The following HNRNPCL2 variants were observed in gnomAD, a reference collection of about 807,000 sequenced individuals.
HNRNPCL2 encodes the protein heterogeneous nuclear ribonucleoprotein C like 2, also known as heterogeneous nuclear ribonucleoprotein C-like 2.
HNRNPCL2 carries 17 observed loss-of-function variants against 18.2 expected under a neutral mutation model. The ratio of observed to expected loss-of-function variants is 0.94; its 90% CI spans 0.64 to 1.40. The LOEUF is 1.40. Ranked by LOEUF, HNRNPCL2 falls within the 40% of genes most tolerant of loss-of-function variation. The pLI is 0.00. For synonymous variants in HNRNPCL2, 133 were observed against 129.9 expected (o/e 1.02, Z -0.16); for missense variants, 358 against 357.1 (o/e 1.00, Z -0.02).
rs754244376 is a variant in HNRNPCL2, at chr1:13,115,820, A to T, written c.581T>A (p.Val194Glu). 4.3e-6 allele frequency: 7 copies of T among 1,612,954 alleles called. No individual in the cohort carries two copies. The highest frequency in any genetic ancestry group is 5.9e-6 in the Non-Finnish European group (7 of 1,179,726). ...KQELTQIKQK[V>E]DSLLENLEKI... is the part of the protein sequence containing the mutation. ...TTCCAGGTTTTCCAGGAGAGAATCC[A>T]CTTTCTGTTTTATCTGGGTCAACTC... Residue 194 changes from valine (V) to glutamate (E), a missense_variant, in exon 2 of 2, where the codon GTG (valine) becomes GAG (glutamate). By Grantham distance (121) the Val-to-Glu change is moderately radical (BLOSUM62 -2). Transcript: ENST00000621994.
chr1:13,115,695 C>G lies in HNRNPCL2; in HGVS notation c.706G>C (p.Val236Leu). 6.2e-7 allele frequency: 1 copy of G among 1,613,724 alleles called. No homozygotes were observed. The highest frequency in any genetic ancestry group is 8.5e-7 in the Non-Finnish European group (1 of 1,179,982). The part of the protein sequence containing the change: ...SSSMKKDETH[V>L]KMESEGGAED... ...GCACCCCCCTCAGACTCCATCTTTA[C>G]ATGAGTCTCATCTTTCTTCATGGAG... is the stretch of plus-strand genomic sequence containing the variant. The change falls in exon 2 of 2, where the codon GTA (valine) becomes CTA (leucine). Residue 236 changes from valine to leucine, a missense_variant. By Grantham distance (32) the Val-to-Leu change is conservative. Transcript: ENST00000621994.
rs1569572675 is a variant in HNRNPCL2, at chr1:13,115,603, C to T, written c.798G>A (p.Gln266=). The T allele has an allele frequency of 6.2e-7, 1 of 1,613,632 alleles. No homozygotes were observed. The highest frequency in any genetic ancestry group is 1.1e-5 in the South Asian group (1 of 91,064). ...TTTCATTATTCTTGATCAAATGAAG[C>T]TGGTTGTCCCCCTGATCTTCATTAT... The part of the protein sequence containing the change: ...DDDNEDQGDN[Q]LHLIKNNEKD... The change falls in exon 2 of 2, where the codon CAG becomes CAA. Residue 266 remains glutamine, a synonymous_variant. Transcript: ENST00000621994.
chr1:13,116,543 A>G lies in HNRNPCL2; in HGVS notation c.-143T>C, dbSNP rs1362848363. Reference sequence around the variant, plus strand: ...GCCAGAAATGCAGCCAAAACAGCTCAGTCTTCGTCTCTTCACAAAATGGCT... The same window carrying G: ...GCCAGAAATGCAGCCAAAACAGCTCGGTCTTCGTCTCTTCACAAAATGGCT... On this transcript the variant is annotated 5_prime_UTR_variant, in exon 2 of 2. Transcript: ENST00000621994. The G allele has an allele frequency of 4.5e-6, 6 of 1,347,298 alleles. No individual in the cohort carries two copies. In the South Asian group the frequency reaches 1.0e-4, roughly 22 times the overall value. 83.5% of individuals were successfully genotyped at this position (1,347,298 alleles called of 1,614,324 possible). A position where few individuals can be genotyped will look rare whatever the true frequency, so the allele number is the denominator to read the frequency against.
Position 13,116,487 on chromosome 1 carries a change from T to A in HNRNPCL2, c.-87A>T, listed in dbSNP as rs1476787043. 1 of 1,504,948 alleles carries A rather than the reference T, an allele frequency of 6.6e-7. No homozygotes were observed. The highest frequency in any genetic ancestry group is 8.9e-7 in the Non-Finnish European group (1 of 1,127,514). The allele number at this position is 1,504,948 out of a possible 1,614,324, so 93.2% of individuals were successfully genotyped here. On this transcript the variant is annotated 5_prime_UTR_variant, in exon 2 of 2. Transcript: ENST00000621994. ...CGATTCTAAGTCTCCTACTGCCGGG[T>A]TCTACGGGGAGAAACTGACTGCGGC...
chr1:13,116,397 C>A lies in HNRNPCL2; in HGVS notation c.4G>T (p.Ala2Ser). Reference protein sequence around the residue: MASNVTNKMDPH... With the variant: MSSNVTNKMDPH... ...TCCATCTTGTTGGTAACGTTGCTGG[C>A]CATTGTGTTGGATGATAAGGTTTCT... The change falls in exon 2 of 2, where the codon GCC becomes TCC. Residue 2 changes from alanine to serine, a missense_variant. Ala to Ser is a moderately conservative substitution (Grantham distance 99, BLOSUM62 1). Transcript: ENST00000621994. 1.9e-6 allele frequency: 3 copies of A among 1,611,366 alleles called. No individual in the cohort carries two copies. Among genetic ancestry groups the A allele is most frequent in the Non-Finnish European group, 2.5e-6 (3 of 1,178,868 alleles).
Position 13,115,633 on chromosome 1 carries a change from A to T in HNRNPCL2, c.768T>A (p.Asp256Glu). The T allele has an allele frequency of 1.2e-6, 2 of 1,613,526 alleles. No homozygotes were observed. Among genetic ancestry groups the T allele is most frequent in the Non-Finnish European group, 1.7e-6 (2 of 1,179,952 alleles). Reference protein sequence around the residue: ...DSAEEGDPLDDDDNEDQGDNQ... With the variant: ...DSAEEGDPLDEDDNEDQGDNQ... ...TGTCCCCCTGATCTTCATTATCATC[A>T]TCATCCAGTGGGTCCCCCTCCTCAG... The change falls in exon 2 of 2, where the codon GAT (aspartate) becomes GAA (glutamate). Residue 256 changes from aspartate to glutamate, a missense_variant. Coordinates refer to ENST00000621994, the MANE Select transcript of HNRNPCL2 (RefSeq NM_001136561.3).
rs2100319370 is a variant in HNRNPCL2, at chr1:13,116,343, T to G, written c.58A>C (p.Ile20Leu). 1.2e-6 allele frequency: 2 copies of G among 1,613,188 alleles called. No homozygotes were observed. Among genetic ancestry groups the G allele is most frequent in the Admixed American group, 3.3e-5 (2 of 59,952 alleles). The change falls in exon 2 of 2, where the codon ATT (isoleucine) becomes CTT (leucine). Residue 20 changes from isoleucine (I) to leucine (L), a missense_variant. Physicochemically the swap from Ile to Leu is conservative, Grantham distance 5. Coordinates refer to ENST00000621994, the MANE Select transcript of HNRNPCL2 (RefSeq NM_001136561.3). ...DPHSVNSRVF[I>L]GNLNTLVVKK... Reference sequence around the variant, plus strand: ...ACAACAAGAGTGTTGAGATTCCCAATGAACACACGGGAGTTCACGGAGTGA... The same window carrying G: ...ACAACAAGAGTGTTGAGATTCCCAAGGAACACACGGGAGTTCACGGAGTGA...
chr1:13,116,707 A>C (rs2206072), intron 1 of HNRNPCL2, 86 bp downstream of exon 1: 3 of 500,216 alleles, frequency 6.0e-6, no homozygotes, highest in African/African-American at 2.0e-5. Context: ...ATATAGTTCT[A>C]TGCCATCGTA....
rs116484938 is a variant in HNRNPCL2, at chr1:13,116,308, A to C, written c.93T>G (p.Ser31=). The change falls in exon 2 of 2, where the codon TCT becomes TCG. Residue 31 remains serine (S), a synonymous_variant. Coordinates refer to ENST00000621994, the MANE Select transcript of HNRNPCL2 (RefSeq NM_001136561.3). ...ACTTGGAAAAGATCGCCTCCACATC[A>C]GATTTCTTGACAACAAGAGTGTTGA... ...GNLNTLVVKK[S]DVEAIFSKYG... The C allele has an allele frequency of 0.042, 64,232 of 1,530,266 alleles. 5,499 individuals carry two copies. Among genetic ancestry groups the C allele is most frequent in the East Asian group, 0.2 (8,536 of 41,642 alleles). The allele number at this position is 1,530,266 out of a possible 1,614,324, so 94.8% of individuals were successfully genotyped here.
At chr1:13,116,702 G>A (rs1261152139) in intron 1 of HNRNPCL2, 91 bp downstream of exon 1, 1 of 543,174 alleles carries the variant, frequency 1.8e-6, no homozygotes. Flanking sequence ...ACATGATATA[G>A]TTCTATGCCA....
Position 13,116,493 on chromosome 1 carries a change from G to C in HNRNPCL2, c.-93C>G, listed in dbSNP as rs1351846467. 6 of 1,491,774 alleles carry C rather than the reference G, an allele frequency of 4.0e-6. No individual in the cohort carries two copies. In the East Asian group the frequency reaches 7.2e-5, roughly 18 times the overall value. 92.4% of individuals were successfully genotyped at this position (1,491,774 alleles called of 1,614,324 possible). ...TAAGTCTCCTACTGCCGGGTTCTACGGGGAGAAACTGACTGCGGCTCGAGG... is the reference window on the plus strand; with the variant it reads ...TAAGTCTCCTACTGCCGGGTTCTACCGGGAGAAACTGACTGCGGCTCGAGG... On this transcript the variant is annotated 5_prime_UTR_variant, in exon 2 of 2. Transcript: ENST00000621994.
At position 13,115,711 on chromosome 1, in the gene HNRNPCL2, C is replaced by T. The variant is rs746324916; in HGVS notation, c.690G>A (p.Lys230=). 32 of 1,613,674 alleles carry T rather than the reference C, an allele frequency of 2.0e-5. No homozygotes were observed. Among genetic ancestry groups the T allele is most frequent in the Non-Finnish European group, 2.5e-5 (30 of 1,179,972 alleles). ...CCATCTTTACATGAGTCTCATCTTT[C>T]TTCATGGAGCTACTGCTCTGCTCCT... ...SEEEQSSSSM[K]KDETHVKMES... The change falls in exon 2 of 2, where the codon AAG becomes AAA. Residue 230 remains lysine (K), a synonymous_variant. Coordinates refer to ENST00000621994, the MANE Select transcript of HNRNPCL2 (RefSeq NM_001136561.3).
chr1:13,116,322 C>T lies in HNRNPCL2; in HGVS notation c.79G>A (p.Val27Ile). The T allele has an allele frequency of 1.2e-6, 2 of 1,612,852 alleles. No homozygotes were observed. The highest frequency in any genetic ancestry group is 8.5e-7 in the Non-Finnish European group (1 of 1,179,704). Residue 27 changes from valine to isoleucine, a missense_variant, in exon 2 of 2, where the codon GTT (valine) becomes ATT (isoleucine). Physicochemically the swap from Val to Ile is conservative, Grantham distance 29. Transcript: ENST00000621994. ...GCCTCCACATCAGATTTCTTGACAA[C>T]AAGAGTGTTGAGATTCCCAATGAAC... is the stretch of plus-strand genomic sequence containing the variant. ...RVFIGNLNTL[V>I]VKKSDVEAIF...
In HNRNPCL2 at chr1:13,115,961, C is replaced by T. The variant is rs746366523; in HGVS notation, c.440G>A (p.Arg147His). 3 of 1,612,990 alleles carry T rather than the reference C, an allele frequency of 1.9e-6. No individual in the cohort carries two copies. The highest frequency in any genetic ancestry group is 1.3e-5 in the African/African-American group (1 of 74,502). The change falls in exon 2 of 2, where the codon CGC becomes CAC. Residue 147 changes from arginine (R) to histidine (H), a missense_variant. Coordinates refer to ENST00000621994, the MANE Select transcript of HNRNPCL2 (RefSeq NM_001136561.3). Reference sequence around the variant, plus strand: ...CCTTCGTGAGGTGTTTCCTGATATGCGCTGGCGTTTCGAGGGCACTACAGC... The same window carrying T: ...CCTTCGTGAGGTGTTTCCTGATATGTGCTGGCGTTTCGAGGGCACTACAGC... ...ALAVVPSKRQ[R>H]ISGNTSRRGK...
At position 13,116,714 on chromosome 1, in the gene HNRNPCL2, C is replaced by T. The variant is rs1642834535; in HGVS notation, c.-182+79G>A. The T allele has an allele frequency of 1.1e-5, 5 of 465,504 alleles. No individual in the cohort carries two copies. In the Admixed American group the frequency reaches 1.6e-4, roughly 15 times the overall value. The allele number at this position is 465,504 out of a possible 1,614,324, so 28.8% of individuals were successfully genotyped here. The stretch of plus-strand genomic sequence containing the variant: ...AAGACATGATATAGTTCTATGCCAT[C>T]GTAGGCTGCACTGTCACCGTTCTAG... On this transcript the variant is annotated intron_variant, in intron 1 of 1. Transcript: ENST00000621994.
chr1:13,116,597 G>GA lies in HNRNPCL2; in HGVS notation c.-181-17dup, dbSNP rs1642832262. 9.1e-7 allele frequency: 1 copy of GA among 1,100,912 alleles called. No individual in the cohort carries two copies. Among genetic ancestry groups the GA allele is most frequent in the Admixed American group, 3.3e-5 (1 of 30,286 alleles). The allele number at this position is 1,100,912 out of a possible 1,614,324, so 68.2% of individuals were successfully genotyped here. ...AACAAGAATTCTGAAATGATGTAAA[G>GA]AAAAGCACAACAACATTTTTGAAAT... On this transcript the variant is annotated splice_polypyrimidine_tract_variant and intron_variant, in intron 1 of 1. Coordinates refer to ENST00000621994, the MANE Select transcript of HNRNPCL2 (RefSeq NM_001136561.3).
rs1182908587 is a variant in HNRNPCL2, at chr1:13,115,673, C to A, written c.728G>T (p.Gly243Val). The change falls in exon 2 of 2, where the codon GGT (glycine) becomes GTT (valine). Residue 243 changes from glycine (G) to valine (V), a missense_variant. By Grantham distance (109) the Gly-to-Val change is moderately radical. Coordinates refer to ENST00000621994, the MANE Select transcript of HNRNPCL2 (RefSeq NM_001136561.3). ...CCCCTCCTCAGCAGAGTCTTCTGCA[C>A]CCCCCTCAGACTCCATCTTTACATG... is the stretch of plus-strand genomic sequence containing the variant. The part of the protein sequence containing the change: ...ETHVKMESEG[G>V]AEDSAEEGDP... 1 of 1,613,556 alleles carries A rather than the reference C, an allele frequency of 6.2e-7. No homozygotes were observed. Among genetic ancestry groups the A allele is most frequent in the Non-Finnish European group, 8.5e-7 (1 of 1,179,938 alleles).
rs971866915 is a variant in HNRNPCL2 at position 13,115,678 on chromosome 1, C to T, written c.723G>A (p.Glu241=). Residue 241 remains glutamate (E), a synonymous_variant, in exon 2 of 2, where the codon GAG becomes GAA. Coordinates refer to ENST00000621994, the MANE Select transcript of HNRNPCL2 (RefSeq NM_001136561.3). ...CCTCAGCAGAGTCTTCTGCACCCCC[C>T]TCAGACTCCATCTTTACATGAGTCT... ...KDETHVKMES[E]GGAEDSAEEG... 6 of 1,613,526 alleles carry T rather than the reference C, an allele frequency of 3.7e-6. No homozygotes were observed. Among genetic ancestry groups the T allele is most frequent in the East Asian group, 2.2e-5 (1 of 44,894 alleles).
Position 13,116,354 on chromosome 1 carries a change from G to C in HNRNPCL2, c.47C>G (p.Ser16Cys), listed in dbSNP as rs1253662839. 6.2e-7 allele frequency: 1 copy of C among 1,613,188 alleles called. No homozygotes were observed. Among genetic ancestry groups the C allele is most frequent in the Non-Finnish European group, 8.5e-7 (1 of 1,179,736 alleles). The change falls in exon 2 of 2, where the codon TCC becomes TGC. Residue 16 changes from serine to cysteine, a missense_variant. Ser to Cys is a moderately radical substitution (Grantham distance 112). Coordinates refer to ENST00000621994, the MANE Select transcript of HNRNPCL2 (RefSeq NM_001136561.3). The part of the protein sequence containing the change: ...TNKMDPHSVN[S>C]RVFIGNLNTL... ...GTTGAGATTCCCAATGAACACACGG[G>C]AGTTCACGGAGTGAGGATCCATCTT...
Sources: gnomAD v4.1 joint callset for allele counts on GRCh38, gnomAD v4.1.1 for gene constraint, MANE v1.5 for transcripts, NCBI Gene and HGNC (gene_info 2026-07-23, HGNC 2026-07-21) for gene names.